The following PDE11A variants were observed in gnomAD, a reference collection of about 807,000 sequenced individuals.
PDE11A encodes phosphodiesterase 11A, also known as dual 3',5'-cyclic-AMP and -GMP phosphodiesterase 11A.
In PDE11A, 100 loss-of-function variants were observed where a neutral mutation model predicts 100.5. That is an observed-to-expected ratio of 1.00 (90% CI 0.85 to 1.18). PDE11A has a LOEUF of 1.18. PDE11A is among the 50% of genes most tolerant of loss of function. The pLI, the probability that PDE11A is intolerant of heterozygous loss-of-function variation, is 0.00. For missense variants in PDE11A, 1,141 were observed against 1,152.6 expected, an observed-to-expected ratio of 0.99 and a Z score of 0.15; for synonymous variants, 381 against 420.8, an observed-to-expected ratio of 0.91 and a Z score of 1.16.
chr2:177,799,544 C>T (rs907449343), intron 9 of PDE11A, among the ~76,000 whole-genome samples: 15 of 152,096 alleles, frequency 9.9e-5, no homozygotes, highest in African/African-American at 2.7e-4. Flanking sequence ...TAAATGAAAA[C>T]CTAGAAACCA....
intron 2 of PDE11A, among the ~76,000 whole-genome samples, chr2:178,097,555 A>C (rs1298327339): frequency 6.6e-6 from 1 of 152,082 alleles, no homozygotes; most frequent in Non-Finnish European, 1.5e-5. Flanking sequence ...CTCCCTCGAC[A>C]TGTGAGGATT....
chr2:177,766,797 TCTA>T (rs1215933132), intron 10 of PDE11A, among the ~76,000 whole-genome samples: 2 of 152,226 alleles, frequency 1.3e-5, no homozygotes, highest in African/African-American at 4.8e-5. Context: ...GTTAAAATGA[TCTA>T]CTATATCTCA....
intron 19 of PDE11A, among the ~76,000 whole-genome samples, chr2:177,643,440 T>A (rs1486202307): frequency 6.6e-6 from 1 of 152,158 alleles, no homozygotes; most frequent in Non-Finnish European, 1.5e-5. Context: ...CCTAGAGATT[T>A]GTGGAACTTT....
intron 1 of PDE11A, chr2:178,039,071 G>A (rs941556797): frequency 4.6e-5 from 7 of 152,078 alleles, no homozygotes; most frequent in African/African-American, 1.7e-4. Flanking sequence ...GCATGCACAC[G>A]AGTGTTCATT....
intron 5 of PDE11A, among the ~76,000 whole-genome samples, chr2:177,859,351 T>C (rs948442217): frequency 4.0e-5 from 6 of 151,834 alleles, no homozygotes; most frequent in Admixed American, 2.6e-4. Context: ...TATCCATCAA[T>C]TGGTTAATGG....
At chr2:177,762,187 C>A (rs1355466372) in intron 10 of PDE11A, among the ~76,000 whole-genome samples, 1 of 152,018 alleles carries the variant, frequency 6.6e-6, no homozygotes, top group African/African-American at 2.4e-5. Context: ...GATGACTGTA[C>A]AATGATAGCC....
intron 6 of PDE11A, among the ~76,000 whole-genome samples, chr2:177,824,402 A>G (rs1277714465): frequency 1.3e-5 from 2 of 152,230 alleles, no homozygotes; most frequent in Non-Finnish European, 2.9e-5. Flanking sequence ...GGGGAACACA[A>G]TATTTAGTGC....
intron 1 of PDE11A, among the ~76,000 whole-genome samples, chr2:178,061,893 T>C (rs993229325): frequency 3.3e-5 from 5 of 152,206 alleles, no homozygotes; most frequent in Admixed American, 2.6e-4. Context: ...GTATGAAACA[T>C]TCTTATAATG....
rs776594176 is a variant in PDE11A, at chr2:177,699,141, T to A, written c.2245-1709A>T. Among the ~76,000 whole-genome samples the A allele has an allele frequency of 7.6e-4, 115 of 152,200 alleles. 1 individual carries two copies. The highest frequency in any genetic ancestry group is 2.9e-4 in the Non-Finnish European group (20 of 68,034). On this transcript the variant is annotated intron_variant, in intron 14 of 19. Coordinates refer to ENST00000286063, the MANE Select transcript of PDE11A (RefSeq NM_016953.4). The stretch of plus-strand genomic sequence containing the variant: ...AGGTGATCTCCTCATTGTGTGAACA[T>A]CACAGAAAGCACTTACACAAAACTA...
intron 15 of PDE11A, among the ~76,000 whole-genome samples, chr2:177,696,964 T>G (rs1424045907): frequency 4.6e-5 from 7 of 152,372 alleles, no homozygotes; most frequent in African/African-American, 1.7e-4. Flanking sequence ...TTTCCATCAC[T>G]GAATATTTTT....
At chr2:178,020,104 A>G (rs778712717) in intron 1 of PDE11A, among the ~76,000 whole-genome samples, 1 of 152,242 alleles carries the variant, frequency 6.6e-6, no homozygotes, top group Non-Finnish European at 1.5e-5. Flanking sequence ...GTCATTAGTG[A>G]GAGCAATAAA....
chr2:178,037,914 T>C (rs1007073618), intron 1 of PDE11A, among the ~76,000 whole-genome samples: 7 of 151,722 alleles, frequency 4.6e-5, no homozygotes, highest in African/African-American at 1.7e-4. Context: ...GACAAATATC[T>C]AATGCATGGG....
chr2:178,043,946 C>T (rs1008909724), intron 1 of PDE11A, among the ~76,000 whole-genome samples: 2 of 152,164 alleles, frequency 1.3e-5, no homozygotes, highest in Non-Finnish European at 2.9e-5. Context: ...CTCAAGGCCT[C>T]TGTCCATGCT....
At chr2:177,645,307 T>C (rs1042096389) in intron 19 of PDE11A, among the ~76,000 whole-genome samples, 1 of 152,198 alleles carries the variant, frequency 6.6e-6, no homozygotes, top group Non-Finnish European at 1.5e-5. Flanking sequence ...TGCCTCAGCC[T>C]CTCTAGTAGC....
At chr2:177,675,591 C>T in intron 16 of PDE11A, 73 bp from the exon 17 acceptor site, 3 of 1,078,700 alleles carry the variant, frequency 2.8e-6, no homozygotes, top group Non-Finnish European at 4.3e-6. Context: ...GTCCTAGATA[C>T]ATAAATAAAT....
intron 19 of PDE11A, among the ~76,000 whole-genome samples, chr2:177,657,691 C>T (rs7577174): frequency 4.6e-5 from 7 of 151,430 alleles, no homozygotes; most frequent in Admixed American, 4.6e-4. Context: ...CAGAAAGAGG[C>T]GGGTGAGAGA....
chr2:177,778,435 ACCC>A (rs2082408224), intron 9 of PDE11A, among the ~76,000 whole-genome samples: 1 of 152,138 alleles, frequency 6.6e-6, no homozygotes, highest in Admixed American at 6.6e-5. Context: ...AGGAACAAAG[ACCC>A]CACTGAGGAT....
chr2:177,627,160 A>G lies in PDE11A; in HGVS notation c.*2247T>C, dbSNP rs1359217435. The G allele has an allele frequency of 7.1e-6, 1 of 139,910 alleles. No individual in the cohort carries two copies. The highest frequency in any genetic ancestry group is 1.5e-5 in the Non-Finnish European group (1 of 65,182). The allele number at this position is 139,910 out of a possible 1,614,324, so 8.7% of individuals were successfully genotyped here. On this transcript the variant is annotated 3_prime_UTR_variant, in exon 20 of 20. Coordinates refer to ENST00000286063, the MANE Select transcript of PDE11A (RefSeq NM_016953.4). The stretch of plus-strand genomic sequence containing the variant: ...GCCATTCTCTTGCCTCAGCCTCCCC[A>G]GTAGCTGGGACTACAGACGCCTGCC...
chr2:177,810,955 C>T (rs1241814745), intron 9 of PDE11A, among the ~76,000 whole-genome samples: 1 of 152,040 alleles, frequency 6.6e-6, no homozygotes, highest in Non-Finnish European at 1.5e-5. Context: ...TTTTCTTACT[C>T]TCTGTCAAAC....
Sources: gnomAD v4.1 joint callset for allele counts (sites outside exome capture counted in the v4.1 genomes callset) on GRCh38, gnomAD v4.1.1 for gene constraint, MANE v1.5 for transcripts, NCBI Gene and HGNC (gene_info 2026-07-23, HGNC 2026-07-21) for gene names.